The following ANO3 variants were observed in gnomAD, a reference collection of about 807,000 sequenced individuals.
ANO3 encodes the protein anoctamin-3.
In ANO3, 99 loss-of-function variants were observed where a neutral mutation model predicts 144.8. The ratio of observed to expected loss-of-function variants is 0.68; its 90% confidence interval spans 0.58 to 0.81. The LOEUF is 0.81. ANO3 is among the 30% of genes least tolerant of loss of function. The pLI is 0.00. For missense variants in ANO3, 905 were observed against 1,202.2 expected, an observed-to-expected ratio of 0.75 and a Z score of 3.66; for synonymous variants, 414 against 392.6, an observed-to-expected ratio of 1.05 and a Z score of -0.64.
chr11:26,212,661 A>T (rs1851958197), intron 1 of ANO3, among the ~76,000 whole-genome samples: 1 of 152,102 alleles, frequency 6.6e-6, no homozygotes, highest in Non-Finnish European at 1.5e-5. Flanking sequence ...CAACCAAAAA[A>T]AGCCCAGGAC....
intron 4 of ANO3, among the ~76,000 whole-genome samples, chr11:26,474,972 G>A (rs970938794): frequency 1.3e-5 from 2 of 151,796 alleles, no homozygotes; most frequent in East Asian, 3.9e-4. Context: ...AATGTTTATT[G>A]TATTGAAAAA....
At chr11:26,466,878 A>G (rs1859620561) in intron 4 of ANO3, among the ~76,000 whole-genome samples, 1 of 152,006 alleles carries the variant, frequency 6.6e-6, no homozygotes, top group Non-Finnish European at 1.5e-5. Context: ...CTCAGTGTCT[A>G]GGAAGATTTG....
At chr11:26,267,636 G>A (rs1279815326) in intron 1 of ANO3, among the ~76,000 whole-genome samples, 2 of 152,128 alleles carry the variant, frequency 1.3e-5, no homozygotes, top group East Asian at 3.8e-4. Context: ...ATTCCATAAT[G>A]TTTTCCTCTT....
At chr11:26,529,651 T>C (rs1414546243) in intron 7 of ANO3, among the ~76,000 whole-genome samples, 2 of 150,062 alleles carry the variant, frequency 1.3e-5, no homozygotes. Flanking sequence ...TTGGACTTAC[T>C]ATTGCAGAAG....
chr11:26,627,553 C>A (rs981879609), intron 18 of ANO3, among the ~76,000 whole-genome samples: 1 of 152,030 alleles, frequency 6.6e-6, no homozygotes, highest in African/African-American at 2.4e-5. Context: ...TCCTTACATT[C>A]ATTTGCTTTT....
chr11:26,377,207 C>T (rs954151206), intron 1 of ANO3, among the ~76,000 whole-genome samples: 4 of 152,018 alleles, frequency 2.6e-5, no homozygotes, highest in African/African-American at 9.7e-5. Flanking sequence ...CCACAAATAA[C>T]AATACACACA....
intron 4 of ANO3, among the ~76,000 whole-genome samples, chr11:26,487,141 T>G (rs1860483280): frequency 6.6e-6 from 1 of 152,202 alleles, no homozygotes; most frequent in African/African-American, 2.4e-5. Context: ...AAATCCCAAC[T>G]TGAACTGTGT....
At chr11:26,400,214 G>T (rs2133973313) in intron 1 of ANO3, among the ~76,000 whole-genome samples, 1 of 152,120 alleles carries the variant, frequency 6.6e-6, no homozygotes, top group East Asian at 1.9e-4. Context: ...TCAGGAGAAA[G>T]GTTTCTGATT....
chr11:26,202,771 A>T (rs1851723482), intron 1 of ANO3, among the ~76,000 whole-genome samples: 1 of 152,110 alleles, frequency 6.6e-6, no homozygotes, highest in Admixed American at 6.6e-5. Context: ...AACCATCAGA[A>T]ATAGTCAATC....
chr11:26,639,116 T>A, intron 20 of ANO3, 28 bp from the exon 21 acceptor site: 1 of 1,454,106 alleles, frequency 6.9e-7, no homozygotes, highest in South Asian at 1.1e-5. Flanking sequence ...AAGACCAATA[T>A]CATTATTGCT....
chr11:26,536,539 A>G (rs181599059), intron 9 of ANO3, among the ~76,000 whole-genome samples: 5 of 151,972 alleles, frequency 3.3e-5, no homozygotes, highest in Admixed American at 6.6e-5. Context: ...ATATATATGT[A>G]TATAAATTTA....
chr11:26,286,066 G>T (rs1034778235), intron 1 of ANO3: 1 of 152,226 alleles, frequency 6.6e-6, no homozygotes, highest in East Asian at 1.9e-4. Flanking sequence ...AATCAGCATT[G>T]TCCCATCATA....
chr11:26,352,391 T>A (rs908164279), intron 1 of ANO3, among the ~76,000 whole-genome samples: 1 of 152,178 alleles, frequency 6.6e-6, no homozygotes, highest in African/African-American at 2.4e-5. Context: ...TTTTAAAATA[T>A]ATTTTATTTT....
intron 10 of ANO3, among the ~76,000 whole-genome samples, chr11:26,538,316 A>G (rs1245885213): frequency 6.6e-6 from 1 of 152,210 alleles, no homozygotes; most frequent in Non-Finnish European, 1.5e-5. Flanking sequence ...TGAGCACCGG[A>G]AGCCAATCTC....
intron 1 of ANO3, among the ~76,000 whole-genome samples, chr11:26,263,935 T>G (rs1158283862): frequency 6.6e-6 from 1 of 152,244 alleles, no homozygotes; most frequent in African/African-American, 2.4e-5. Flanking sequence ...TAATTTATGA[T>G]TTCAGAATAT....
chr11:26,207,278 C>G (rs1467876561), intron 1 of ANO3, among the ~76,000 whole-genome samples: 1 of 152,146 alleles, frequency 6.6e-6, no homozygotes, highest in East Asian at 1.9e-4. Flanking sequence ...AAATGGCTTA[C>G]AAAAAATCAG....
intron 1 of ANO3, among the ~76,000 whole-genome samples, chr11:26,272,753 C>G (rs535337780): frequency 1.4e-4 from 22 of 152,074 alleles, no homozygotes; most frequent in Non-Finnish European, 2.5e-4. Context: ...GTTCTTAATA[C>G]AGATGAAAGT....
At chr11:26,552,957 A>C (rs1322282873) in intron 12 of ANO3, among the ~76,000 whole-genome samples, 2 of 152,164 alleles carry the variant, frequency 1.3e-5, no homozygotes, top group African/African-American at 4.8e-5. Context: ...GTGCCATGAA[A>C]TCATGTATAA....
At chr11:26,595,559 A>G (rs1452943284) in intron 14 of ANO3, among the ~76,000 whole-genome samples, 2 of 146,164 alleles carry the variant, frequency 1.4e-5, no homozygotes, top group East Asian at 4.0e-4. Context: ...TTATTAGGCA[A>G]TTCTCCTAAC....
Sources: gnomAD v4.1 joint callset for allele counts (sites outside exome capture counted in the v4.1 genomes callset) on GRCh38, gnomAD v4.1.1 for gene constraint, MANE v1.5 for transcripts, NCBI Gene and HGNC (gene_info 2026-07-23, HGNC 2026-07-21) for gene names.